Variants in DCAF8L2 observed in about 807,000 individuals in gnomAD.
DCAF8L2 encodes DDB1 and CUL4 associated factor 8 like 2, also known as DDB1- and CUL4-associated factor 8-like protein 2.
For missense variants in DCAF8L2, 430 were observed against 490.7 expected (o/e 0.88, Z 1.17); for synonymous variants, 200 against 190.9 (o/e 1.05, Z -0.39).
chrX:27,735,221 A>C (rs1040420274), intron 4 of DCAF8L2, among the ~76,000 whole-genome samples: 2 of 112,017 alleles, frequency 1.8e-5, no homozygotes, highest in African/African-American at 3.2e-5. Context: ...CAGGGCAACA[A>C]TTAGGCTTGC....
At chrX:27,496,016 A>G in the DCAF8L2 span, among the ~76,000 whole-genome samples, 5 of 111,335 alleles carry the variant, frequency 4.5e-5, no homozygotes, top group African/African-American at 1.6e-4. Context: ...GAGTATTGAT[A>G]TGTATGCCAT....
the DCAF8L2 span, among the ~76,000 whole-genome samples, chrX:27,494,890 A>G: frequency 9.0e-6 from 1 of 111,421 alleles, no homozygotes; most frequent in Non-Finnish European, 1.9e-5. Context: ...CTCTTTATCA[A>G]TGTGGCCATT....
chrX:27,602,298 G>A (rs1275881439), intron 1 of DCAF8L2, among the ~76,000 whole-genome samples: 1 of 111,777 alleles, frequency 8.9e-6, no homozygotes, highest in Non-Finnish European at 1.9e-5. Flanking sequence ...GCCTCTCAAA[G>A]TGCTGGGATT....
chrX:27,611,191 G>C (rs1381156596), intron 1 of DCAF8L2, among the ~76,000 whole-genome samples: 1 of 111,049 alleles, frequency 9.0e-6, no homozygotes, highest in African/African-American at 3.3e-5. Flanking sequence ...ACACTACGGG[G>C]ATGGGATATA....
chrX:27,525,941 C>T, the DCAF8L2 span, among the ~76,000 whole-genome samples: 3 of 111,929 alleles, frequency 2.7e-5, no homozygotes, highest in African/African-American at 6.5e-5. Flanking sequence ...CGACCTTTCT[C>T]GCTGACTGCT....
At chrX:27,562,822 A>T in the DCAF8L2 span, among the ~76,000 whole-genome samples, 1 of 112,243 alleles carries the variant, frequency 8.9e-6, no homozygotes. Flanking sequence ...AAGTGGAAAG[A>T]GCTGATAGCT....
Position 27,748,721 on chromosome X carries a change from A to G in DCAF8L2, c.1826A>G (p.Asp609Gly), listed in dbSNP as rs1236500180. 4.2e-6 allele frequency: 5 copies of G among 1,199,473 alleles called. No individual in the cohort carries two copies. The highest frequency in any genetic ancestry group is 5.6e-6 in the Non-Finnish European group (5 of 888,022). ...GCTGAATTTCCAGATGAAGAATCGG[A>G]TGAGTCTTCCAGCACTTCAGAGACA... Reference protein sequence around the residue: ...GEAEFPDEESDESSSTSETSE... With the variant: ...GEAEFPDEESGESSSTSETSE... Residue 609 changes from aspartate to glycine, a missense_variant, in exon 5 of 5, where the codon GAT (aspartate) becomes GGT (glycine). By Grantham distance (94) the Asp-to-Gly change is moderately conservative. Transcript: ENST00000451261.
the DCAF8L2 span, among the ~76,000 whole-genome samples, chrX:27,499,312 C>T: frequency 3.6e-5 from 4 of 111,803 alleles, no homozygotes; most frequent in African/African-American, 6.5e-5. Context: ...TTTGCATTTC[C>T]CTGGTGATTA....
the DCAF8L2 span, among the ~76,000 whole-genome samples, chrX:27,489,819 T>G: frequency 8.9e-6 from 1 of 112,480 alleles, no homozygotes; most frequent in Admixed American, 9.4e-5. Flanking sequence ...GTCTTGTGTT[T>G]TTTATTATAG....
chrX:27,737,850 C>T (rs1174048831), intron 4 of DCAF8L2, among the ~76,000 whole-genome samples: 1 of 110,290 alleles, frequency 9.1e-6, no homozygotes, highest in Admixed American at 9.7e-5. Flanking sequence ...ATGAAATCTT[C>T]ACACAAAAAA....
At chrX:27,576,691 A>T in the DCAF8L2 span, among the ~76,000 whole-genome samples, 1 of 112,201 alleles carries the variant, frequency 8.9e-6, no homozygotes. Flanking sequence ...AAAAACTTTT[A>T]AAAACCTTAC....
intron 4 of DCAF8L2, among the ~76,000 whole-genome samples, chrX:27,727,356 G>A (rs1325298142): frequency 1.8e-5 from 2 of 110,771 alleles, no homozygotes; most frequent in African/African-American, 3.3e-5. Flanking sequence ...AAAATAATCC[G>A]ATATGTCAAT....
At chrX:27,510,251 CTTAA>C in the DCAF8L2 span, among the ~76,000 whole-genome samples, 2 of 110,157 alleles carry the variant, frequency 1.8e-5, no homozygotes, top group African/African-American at 6.6e-5. Flanking sequence ...CCCTGTCATG[CTTAA>C]TTAAACATCT....
chrX:27,593,829 C>T (rs1434843282), intron 1 of DCAF8L2, among the ~76,000 whole-genome samples: 4 of 111,718 alleles, frequency 3.6e-5, no homozygotes, highest in Non-Finnish European at 7.5e-5. Context: ...TGCTAGAAGA[C>T]AGAACCCTGG....
intron 4 of DCAF8L2, among the ~76,000 whole-genome samples, chrX:27,726,896 C>A (rs114980047): frequency 0.026 from 2,899 of 111,434 alleles, 88 homozygotes; most frequent in African/African-American, 0.088. Context: ...TTTTTTCATG[C>A]GCATATGTGT....
chrX:27,667,253 G>T (rs982389847), intron 2 of DCAF8L2, among the ~76,000 whole-genome samples: 6 of 111,424 alleles, frequency 5.4e-5, no homozygotes, highest in African/African-American at 2.0e-4. Flanking sequence ...TGACTGGTTG[G>T]TTCTTTATTT....
At chrX:27,530,131 A>G in the DCAF8L2 span, among the ~76,000 whole-genome samples, 7 of 111,627 alleles carry the variant, frequency 6.3e-5, no homozygotes, top group Non-Finnish European at 1.1e-4. Flanking sequence ...TAAAGAGAAC[A>G]TATTCTTAGA....
chrX:27,564,387 A>G, the DCAF8L2 span, among the ~76,000 whole-genome samples: 1 of 111,697 alleles, frequency 9.0e-6, no homozygotes, highest in Non-Finnish European at 1.9e-5. Flanking sequence ...GAGTCAAACC[A>G]TATCAGCATA....
intron 1 of DCAF8L2, among the ~76,000 whole-genome samples, chrX:27,619,755 C>T (rs1249836719): frequency 9.1e-6 from 1 of 110,229 alleles, no homozygotes; most frequent in African/African-American, 3.3e-5. Context: ...CCTGAAAAAC[C>T]AACTATCTTA....
Sources: allele counts gnomAD v4.1 joint callset (sites outside exome capture counted in the v4.1 genomes callset), GRCh38; gene constraint gnomAD v4.1.1; transcripts MANE v1.5; gene names NCBI Gene and HGNC (gene_info 2026-07-23, HGNC 2026-07-21).